The following QTMAN variants were observed in gnomAD, a reference collection of about 807,000 sequenced individuals.
QTMAN encodes queuosine-tRNA mannosyltransferase, also known as tRNA-queuosine alpha-mannosyltransferase.
chr2:144,073,059 C>T, the QTMAN span, among the ~76,000 whole-genome samples: 1 of 151,962 alleles, frequency 6.6e-6, no homozygotes, highest in East Asian at 1.9e-4. Flanking sequence ...GAGGGATAAC[C>T]TTTATTCACG....
chr2:144,012,571 T>C, the QTMAN span, among the ~76,000 whole-genome samples: 8 of 152,238 alleles, frequency 5.3e-5, no homozygotes, highest in Admixed American at 2.0e-4. Context: ...TCATGTGCCG[T>C]TGAATAGAAT....
the QTMAN span, among the ~76,000 whole-genome samples, chr2:144,184,454 C>CA: frequency 1.3e-5 from 2 of 151,578 alleles, no homozygotes; most frequent in Non-Finnish European, 2.9e-5. Flanking sequence ...GTTCCTCCAA[C>CA]AAAAAAATAA....
chr2:144,133,132 T>TAATATA, the QTMAN span, among the ~76,000 whole-genome samples: 1 of 40,444 alleles, frequency 2.5e-5, no homozygotes, highest in Non-Finnish European at 4.2e-5. Context: ...TATATATATA[T>TAATATA]ATATATATAT....
At chr2:144,189,521 C>T in the QTMAN span, among the ~76,000 whole-genome samples, 2 of 152,344 alleles carry the variant, frequency 1.3e-5, no homozygotes, top group East Asian at 3.9e-4. Flanking sequence ...CACCATACTT[C>T]AGCTCTGGGC....
the QTMAN span, among the ~76,000 whole-genome samples, chr2:144,062,264 C>T: frequency 4.6e-5 from 7 of 152,220 alleles, no homozygotes; most frequent in Admixed American, 1.3e-4. Flanking sequence ...CTCCCCTTCC[C>T]GTAAGGCGTT....
chr2:144,100,074 A>T, the QTMAN span, among the ~76,000 whole-genome samples: 4 of 152,236 alleles, frequency 2.6e-5, no homozygotes, highest in Non-Finnish European at 5.9e-5. Flanking sequence ...ACCACATGCA[A>T]AAAGGCTTGT....
chr2:144,171,154 A>C, the QTMAN span, among the ~76,000 whole-genome samples: 1 of 152,170 alleles, frequency 6.6e-6, no homozygotes, highest in Non-Finnish European at 1.5e-5. Context: ...ATATGAAGAG[A>C]GCTTAAAACC....
the QTMAN span, among the ~76,000 whole-genome samples, chr2:144,307,161 A>T: frequency 0.019 from 1,673 of 86,784 alleles, 23 homozygotes; most frequent in African/African-American, 0.049. Context: ...CTCCGTCTTA[A>T]AAAAAAAAAA....
chr2:144,193,107 T>C, the QTMAN span, among the ~76,000 whole-genome samples: 500 of 152,228 alleles, frequency 3.3e-3, 6 homozygotes, highest in African/African-American at 0.012. Flanking sequence ...ACAGACATCA[T>C]CAAACCTTCA....
chr2:144,271,934 T>G, the QTMAN span, among the ~76,000 whole-genome samples: 1 of 152,216 alleles, frequency 6.6e-6, no homozygotes, highest in East Asian at 1.9e-4. Context: ...TACTCCTCCC[T>G]GATCCCATTT....
At chr2:144,216,182 T>A in the QTMAN span, among the ~76,000 whole-genome samples, 4 of 152,344 alleles carry the variant, frequency 2.6e-5, no homozygotes, top group Admixed American at 2.6e-4. Flanking sequence ...GAACTTTTGT[T>A]AAAATTTCTG....
chr2:144,222,989 T>C, the QTMAN span, among the ~76,000 whole-genome samples: 146 of 152,330 alleles, frequency 9.6e-4, no homozygotes, highest in Middle Eastern at 3.4e-3. Flanking sequence ...AATATGTGAA[T>C]GGAAAATCAA....
chr2:143,955,253 G>A, the QTMAN span, among the ~76,000 whole-genome samples: 7 of 152,240 alleles, frequency 4.6e-5, no homozygotes, highest in Admixed American at 1.3e-4. Context: ...AAGTGACACC[G>A]GAGGAGAGTA....
chr2:144,144,314 T>C, the QTMAN span, among the ~76,000 whole-genome samples: 10 of 151,902 alleles, frequency 6.6e-5, no homozygotes, highest in South Asian at 4.1e-4. Flanking sequence ...TTTTGGTACA[T>C]TTCCTCCCTG....
the QTMAN span, among the ~76,000 whole-genome samples, chr2:144,154,286 G>A: frequency 1.3e-5 from 2 of 152,166 alleles, no homozygotes; most frequent in African/African-American, 4.8e-5. Context: ...ACTCTAGGAA[G>A]CATCCTAAAT....
At chr2:144,285,242 C>T in the QTMAN span, among the ~76,000 whole-genome samples, 3 of 152,214 alleles carry the variant, frequency 2.0e-5, no homozygotes, top group South Asian at 6.2e-4. Context: ...CAGTCACATG[C>T]ACCTATATTT....
the QTMAN span, among the ~76,000 whole-genome samples, chr2:144,085,361 C>G: frequency 6.6e-6 from 1 of 152,164 alleles, no homozygotes; most frequent in African/African-American, 2.4e-5. Context: ...CCTTGTCAAA[C>G]GGGATGACAA....
At chr2:144,179,368 C>T in the QTMAN span, among the ~76,000 whole-genome samples, 1 of 152,266 alleles carries the variant, frequency 6.6e-6, no homozygotes, top group East Asian at 1.9e-4. Context: ...GCTTTGCTTG[C>T]TCAATTGTTT....
chr2:144,136,210 C>T, the QTMAN span, among the ~76,000 whole-genome samples: 1 of 151,554 alleles, frequency 6.6e-6, no homozygotes, highest in South Asian at 2.1e-4. Context: ...ACCTGCAGTC[C>T]CAGCTATCAG....
Sources: gnomAD v4.1 joint callset for allele counts (sites outside exome capture counted in the v4.1 genomes callset) on GRCh38, gnomAD v4.1.1 for gene constraint, MANE v1.5 for transcripts, NCBI Gene and HGNC (gene_info 2026-07-23, HGNC 2026-07-21) for gene names.